Variants in PATE3 observed in about 807,000 individuals in gnomAD.
The protein encoded by PATE3 is prostate and testis expressed 3.
PATE3 carries 7 observed loss-of-function variants against 7.4 expected under a neutral mutation model. The ratio of observed to expected loss-of-function variants is 0.95; its 90% confidence interval spans 0.54 to 1.78. The LOEUF is 1.78. PATE3 is among the 40% of genes most tolerant of loss of function. PATE3 has a pLI of 0.00. For synonymous variants in PATE3, 38 were observed against 40.2 expected (o/e 0.94, Z 0.21); for missense variants, 117 against 122.5 (o/e 0.96, Z 0.21).
intron 2 of PATE3, 137 bp from the exon 3 acceptor site, chr11:125,790,341 T>C (rs1943599273): frequency 2.4e-6 from 2 of 828,338 alleles, no homozygotes; most frequent in Non-Finnish European, 3.6e-6. Context: ...CCTGGGTGCT[T>C]TTAGGGAGTA....
rs1457311527 is a variant in PATE3, at chr11:125,791,516, C to T, written c.*914C>T. 1.3e-5 allele frequency: 2 copies of T among 152,208 alleles called. No homozygotes were observed. Among genetic ancestry groups the T allele is most frequent in the Non-Finnish European group, 2.9e-5 (2 of 68,056 alleles). The allele number at this position is 152,208 out of a possible 1,614,324, so 9.4% of individuals were successfully genotyped here. On this transcript the variant is annotated 3_prime_UTR_variant, in exon 3 of 3. Transcript: ENST00000445202. Reference sequence around the variant, plus strand: ...TCAAGATACCATCTACCCTGTACAGCTTTCTTGAGACTTGGGGGCCTGGGT... The same window carrying T: ...TCAAGATACCATCTACCCTGTACAGTTTTCTTGAGACTTGGGGGCCTGGGT...
Position 125,790,820 on chromosome 11 carries a change from T to C in PATE3, c.*218T>C, listed in dbSNP as rs1943604694. ...GGTTCTGAACAATGGATTTCTTCTA[T>C]TATTGGGATTATTGGCATGGCCATA... On this transcript the variant is annotated 3_prime_UTR_variant, in exon 3 of 3. Transcript: ENST00000445202. 4.8e-6 allele frequency: 2 copies of C among 418,386 alleles called. No individual in the cohort carries two copies. Among genetic ancestry groups the C allele is most frequent in the Non-Finnish European group, 8.4e-6 (2 of 238,370 alleles). The allele number at this position is 418,386 out of a possible 1,614,324, so 25.9% of individuals were successfully genotyped here. A position where few individuals can be genotyped will look rare whatever the true frequency, so the allele number is the denominator to read the frequency against.
Position 125,791,287 on chromosome 11 carries a change from T to G in PATE3, c.*685T>G, listed in dbSNP as rs1231385547. ...TTTCTTCCCCTTCCTTTCCTAAACC[T>G]TCTCTCTTCCTTTCCCCCTTTGCCA... On this transcript the variant is annotated 3_prime_UTR_variant, in exon 3 of 3. Transcript: ENST00000445202. 1 of 152,212 alleles carries G rather than the reference T, an allele frequency of 6.6e-6. No individual in the cohort carries two copies. The highest frequency in any genetic ancestry group is 1.5e-5 in the Non-Finnish European group (1 of 68,092). 9.4% of individuals were successfully genotyped at this position (152,212 alleles called of 1,614,324 possible). A position where few individuals can be genotyped will look rare whatever the true frequency, so the allele number is the denominator to read the frequency against.
At position 125,790,546 on chromosome 11, in the gene PATE3, A is replaced by T; in HGVS notation, c.241A>T (p.Asn81Tyr). 1.3e-6 allele frequency: 2 copies of T among 1,551,274 alleles called. No individual in the cohort carries two copies. Among genetic ancestry groups the T allele is most frequent in the East Asian group, 4.9e-5 (2 of 40,922 alleles). ...CAGAGACATGACATTTGATCTCAGG[A>T]ATCGGACTTATGTTCATACATGCTG... Reference protein sequence around the residue: ...FCRDMTFDLRNRTYVHTCCNY... With the variant: ...FCRDMTFDLRYRTYVHTCCNY... Residue 81 changes from asparagine to tyrosine, a missense_variant, in exon 3 of 3, where the codon AAT becomes TAT. By Grantham distance (143) the Asn-to-Tyr change is moderately radical. Transcript: ENST00000445202.
chr11:125,788,175 C>A lies in PATE3; in HGVS notation c.24C>A (p.Leu8=), dbSNP rs1943580213. 1 of 1,551,498 alleles carries A rather than the reference C, an allele frequency of 6.4e-7. No homozygotes were observed. The highest frequency in any genetic ancestry group is 8.7e-7 in the Non-Finnish European group (1 of 1,146,828). ...GGATGAACAAACACTTCTTGTTCCT[C>A]TTCCTCCTTTACTGCCTCATTGTGG... MNKHFLF[L]FLLYCLIVAV... The change falls in exon 1 of 3, where the codon CTC becomes CTA. Residue 8 remains leucine (L), a synonymous_variant. Coordinates refer to ENST00000445202, the MANE Select transcript of PATE3 (RefSeq NM_001129883.4).
intron 1 of PATE3, 140 bp from the exon 2 acceptor site, chr11:125,789,246 C>T (rs950383118): frequency 1.3e-6 from 1 of 769,032 alleles, no homozygotes; most frequent in Non-Finnish European, 2.0e-6. Flanking sequence ...CAACTGTTTA[C>T]CGCCTAAATA....
rs776852214 is a variant in PATE3 at position 125,789,361 on chromosome 11, C to G, written c.50-25C>G. 5.8e-6 allele frequency: 9 copies of G among 1,543,888 alleles called. No homozygotes were observed. The African/African-American group carries it at 1.2e-4, about 21-fold the overall frequency. ...CCAAGTCCCTGCTTTTGCCTAGTCT[C>G]ACACCATCTCTATGCTCTCTCCAGC... On this transcript the variant is annotated intron_variant, in intron 1 of 2. Coordinates refer to ENST00000445202, the MANE Select transcript of PATE3 (RefSeq NM_001129883.4).
At chr11:125,788,301 C>T in intron 1 of PATE3, 101 bp downstream of exon 1, 1 of 1,114,952 alleles carries the variant, frequency 9.0e-7, no homozygotes, top group East Asian at 2.7e-5. Context: ...GAGCTTTGGC[C>T]ACTTTTATGA....
Position 125,790,474 on chromosome 11 carries a change from T to C in PATE3, c.173-4T>C, listed in dbSNP as rs1000083189. On this transcript the variant is annotated splice_polypyrimidine_tract_variant and splice_region_variant and intron_variant, in intron 2 of 2. Coordinates refer to ENST00000445202, the MANE Select transcript of PATE3 (RefSeq NM_001129883.4). Reference sequence around the variant, plus strand: ...TTATTTTCTGTGGTTCTTTCCTATTTTAGGCAATACTCTCCAGATATCATA... The same window carrying C: ...TTATTTTCTGTGGTTCTTTCCTATTCTAGGCAATACTCTCCAGATATCATA... 6.5e-7 allele frequency: 1 copy of C among 1,548,470 alleles called. No homozygotes were observed. The highest frequency in any genetic ancestry group is 1.4e-5 in the African/African-American group (1 of 73,054).
In PATE3 at chr11:125,790,840, G is replaced by T; in HGVS notation, c.*238G>T. On this transcript the variant is annotated 3_prime_UTR_variant, in exon 3 of 3. Transcript: ENST00000445202. ...TTCTATTATTGGGATTATTGGCATG[G>T]CCATATTCCAAGAAACCTGCCCCAA... 2.7e-6 allele frequency: 1 copy of T among 367,596 alleles called. No homozygotes were observed. The allele number at this position is 367,596 out of a possible 1,614,324, so 22.8% of individuals were successfully genotyped here.
intron 1 of PATE3, among the ~76,000 whole-genome samples, chr11:125,788,475 GC>G (rs1943583277): frequency 6.6e-6 from 1 of 152,152 alleles, no homozygotes; most frequent in Admixed American, 6.5e-5. Flanking sequence ...CCAAGCCCTG[GC>G]AAGATTTTCC....
rs1267314019 is a variant in PATE3, at chr11:125,789,405, C to T, written c.69C>T (p.Cys23=). 6 of 1,551,428 alleles carry T rather than the reference C, an allele frequency of 3.9e-6. No homozygotes were observed. The East Asian group carries it at 9.8e-5, about 25-fold the overall frequency. Residue 23 remains cysteine (C), a synonymous_variant, in exon 2 of 3, where the codon TGC becomes TGT. Transcript: ENST00000445202. ...CTCCAGCAGTGACATCACTTCAGTG[C>T]ATAACATGCCACCTTCGCACACGGA... The part of the protein sequence containing the change: ...CLIVAVTSLQ[C]ITCHLRTRTD...
intron 1 of PATE3, among the ~76,000 whole-genome samples, chr11:125,789,115 A>T (rs1042306167): frequency 6.6e-6 from 1 of 152,178 alleles, no homozygotes; most frequent in Non-Finnish European, 1.5e-5. Flanking sequence ...AGAGAAGTCA[A>T]TGACATGGAG....
At chr11:125,790,452 T>C (rs1943600435) in intron 2 of PATE3, 26 bp from the exon 3 acceptor site, 2 of 1,542,784 alleles carry the variant, frequency 1.3e-6, no homozygotes, top group Admixed American at 4.0e-5. Context: ...CAAATGCTTA[T>C]TTTCTGTGGT....
At chr11:125,789,590 A>G in intron 2 of PATE3, 82 bp downstream of exon 2, 1 of 1,457,576 alleles carries the variant, frequency 6.9e-7, no homozygotes, top group Non-Finnish European at 9.2e-7. Context: ...ATCTCAAGAG[A>G]AGAACCAATG....
Position 125,791,221 on chromosome 11 carries a change from CTCCTATCGAGATGTACAT to C in PATE3, c.*622_*639del, listed in dbSNP as rs146160349. The C allele has an allele frequency of 0.026, 3,898 of 152,354 alleles. 78 individuals carry two copies. The highest frequency in any genetic ancestry group is 0.042 in the Non-Finnish European group (2,875 of 68,078). The allele number at this position is 152,354 out of a possible 1,614,324, so 9.4% of individuals were successfully genotyped here. ...CCGAGCTCTCACACAGCCACTGCTA[CTCCTATCGAGATGTACAT>C]TCAAGGTACATCAGAACTCTCATTT... On this transcript the variant is annotated 3_prime_UTR_variant, in exon 3 of 3. Coordinates refer to ENST00000445202, the MANE Select transcript of PATE3 (RefSeq NM_001129883.4).
intron 1 of PATE3, 21 bp downstream of exon 1, chr11:125,788,221 G>A (rs1352184586): frequency 6.5e-7 from 1 of 1,544,046 alleles, no homozygotes; most frequent in Non-Finnish European, 8.8e-7. Flanking sequence ...GACCTGAGGG[G>A]TATACTTGAG....
intron 2 of PATE3, 68 bp from the exon 3 acceptor site, chr11:125,790,410 G>T: frequency 1.4e-6 from 2 of 1,452,786 alleles, no homozygotes; most frequent in South Asian, 1.4e-5. Context: ...CAGAACTAGT[G>T]CTGGGTTTGA....
In PATE3 at chr11:125,790,724, C is replaced by T; in HGVS notation, c.*122C>T. ...ACAATACCCCTGCCCTCGCATTAAC[C>T]TAAGAAGACTAAACTAGTGTGATCC... On this transcript the variant is annotated 3_prime_UTR_variant, in exon 3 of 3. Transcript: ENST00000445202. 1 of 985,378 alleles carries T rather than the reference C, an allele frequency of 1.0e-6. No homozygotes were observed. Among genetic ancestry groups the T allele is most frequent in the Non-Finnish European group, 1.5e-6 (1 of 684,190 alleles). 61.0% of individuals were successfully genotyped at this position (985,378 alleles called of 1,614,324 possible).
Sources: gnomAD v4.1 joint callset for allele counts (sites outside exome capture counted in the v4.1 genomes callset) on GRCh38, gnomAD v4.1.1 for gene constraint, MANE v1.5 for transcripts, NCBI Gene and HGNC (gene_info 2026-07-23, HGNC 2026-07-21) for gene names.